Variants in ADAM12 observed in about 807,000 individuals in gnomAD.
ADAM12 encodes disintegrin and metalloproteinase domain-containing protein 12.
A neutral mutation model predicts 106.4 loss-of-function variants in ADAM12; 70 were observed. That is an observed-to-expected ratio of 0.66 (90% confidence interval 0.54 to 0.80). ADAM12 has a LOEUF of 0.80. Ranked by LOEUF, ADAM12 falls within the 30% of genes least tolerant of loss-of-function variation. The pLI is 0.00. For synonymous variants in ADAM12, 420 were observed against 433.5 expected (o/e 0.97, Z 0.39); for missense variants, 1,010 against 1,171.9 (o/e 0.86, Z 2.02).
intron 3 of ADAM12, among the ~76,000 whole-genome samples, chr10:126,244,796 C>T (rs563105224): frequency 6.6e-6 from 1 of 152,216 alleles, no homozygotes; most frequent in South Asian, 2.1e-4. Context: ...AAGGAAAATG[C>T]TACTTGAGTG....
At chr10:126,177,983 C>A (rs768615268) in intron 3 of ADAM12, among the ~76,000 whole-genome samples, 4 of 152,152 alleles carry the variant, frequency 2.6e-5, no homozygotes, top group South Asian at 2.1e-4. Flanking sequence ...AGTTTATTAA[C>A]CTCAATTCTG....
intron 2 of ADAM12, among the ~76,000 whole-genome samples, chr10:126,321,153 T>C (rs1854081411): frequency 6.6e-6 from 1 of 152,152 alleles, no homozygotes; most frequent in African/African-American, 2.4e-5. Context: ...TCTCTCCTAA[T>C]GTCAAGTAAC....
intron 9 of ADAM12, among the ~76,000 whole-genome samples, chr10:126,099,658 C>T (rs1955622916): frequency 6.6e-6 from 1 of 152,142 alleles, no homozygotes; most frequent in Admixed American, 6.5e-5. Context: ...AAATGTGAGG[C>T]AACCACAAAT....
chr10:126,172,921 G>A (rs1271548000), intron 3 of ADAM12, among the ~76,000 whole-genome samples: 1 of 152,204 alleles, frequency 6.6e-6, no homozygotes, highest in East Asian at 1.9e-4. Flanking sequence ...GGAATACTAT[G>A]CAGCCATAAA....
At chr10:126,263,800 C>T (rs1030231441) in intron 3 of ADAM12, among the ~76,000 whole-genome samples, 5 of 152,012 alleles carry the variant, frequency 3.3e-5, no homozygotes, top group Non-Finnish European at 7.4e-5. Context: ...AAGCAGCTGT[C>T]TTAAATAATT....
At chr10:126,109,683 A>T (rs1314521282) in intron 7 of ADAM12, 92 bp downstream of exon 7, 1 of 1,075,120 alleles carries the variant, frequency 9.3e-7, no homozygotes, top group East Asian at 2.4e-5. Flanking sequence ...ATAGGAAATG[A>T]GGTTCATTAA....
At chr10:126,342,252 A>C (rs569196302) in intron 1 of ADAM12, among the ~76,000 whole-genome samples, 1 of 152,326 alleles carries the variant, frequency 6.6e-6, no homozygotes, top group Admixed American at 6.5e-5. Flanking sequence ...AAGTGTGGCT[A>C]TCTAGAGGTA....
chr10:126,218,173 T>G (rs1248850432), intron 3 of ADAM12, among the ~76,000 whole-genome samples: 1 of 150,486 alleles, frequency 6.6e-6, no homozygotes, highest in Non-Finnish European at 1.5e-5. Context: ...AGTTGTTGAG[T>G]GTGTGTGTGG....
At chr10:126,376,594 G>A (rs1247155711) in intron 1 of ADAM12, among the ~76,000 whole-genome samples, 4 of 152,174 alleles carry the variant, frequency 2.6e-5, no homozygotes, top group South Asian at 2.1e-4. Flanking sequence ...ACATTGAAGA[G>A]AATATTATTG....
chr10:126,173,643 T>C (rs774304010), intron 3 of ADAM12, among the ~76,000 whole-genome samples: 3 of 152,158 alleles, frequency 2.0e-5, no homozygotes, highest in Non-Finnish European at 4.4e-5. Context: ...TTTTTAAGTT[T>C]CAGAGCGCAA....
chr10:126,248,167 G>A (rs1242336000), intron 3 of ADAM12, among the ~76,000 whole-genome samples: 1 of 152,134 alleles, frequency 6.6e-6, no homozygotes, highest in East Asian at 1.9e-4. Context: ...TACCCCCTAT[G>A]CATCACTGGG....
chr10:126,304,247 A>C (rs1960745365), intron 2 of ADAM12, among the ~76,000 whole-genome samples: 1 of 150,324 alleles, frequency 6.7e-6, no homozygotes, highest in Non-Finnish European at 1.5e-5. Context: ...AGAAAACTAG[A>C]ATACTGATTT....
chr10:126,132,628 G>A (rs1047775393), intron 5 of ADAM12, among the ~76,000 whole-genome samples: 1 of 151,318 alleles, frequency 6.6e-6, no homozygotes, highest in East Asian at 2.0e-4. Context: ...AGAGGTCACT[G>A]CATTTGTTTA....
chr10:126,258,087 T>G (rs1958928004), intron 3 of ADAM12, among the ~76,000 whole-genome samples: 2 of 152,192 alleles, frequency 1.3e-5, no homozygotes, highest in African/African-American at 4.8e-5. Flanking sequence ...ATATCAAGCA[T>G]AGAATAATAT....
intron 21 of ADAM12, among the ~76,000 whole-genome samples, chr10:126,024,156 C>T (rs963071107): frequency 6.6e-6 from 1 of 152,062 alleles, no homozygotes; most frequent in African/African-American, 2.4e-5. Context: ...ATACCACTTA[C>T]GTAAAGTTTA....
In ADAM12 at chr10:126,115,361, C is replaced by T. The variant is rs753534310; in HGVS notation, c.603+2677G>A. Among the ~76,000 whole-genome samples, 11 of 152,026 alleles carry T rather than the reference C, an allele frequency of 7.2e-5. 1 individual carries two copies. Among genetic ancestry groups the T allele is most frequent in the Non-Finnish European group, 1.6e-4 (11 of 68,044 alleles). On this transcript the variant is annotated intron_variant, in intron 6 of 22. Coordinates refer to ENST00000448723, the MANE Select transcript of ADAM12 (RefSeq NM_001288973.2). ...TAGTTTGCATTCTTGAATGAGTAGCCGATGGAGAGGGAAGGAGTCTGCTGT... is the reference window on the plus strand; with the variant it reads ...TAGTTTGCATTCTTGAATGAGTAGCTGATGGAGAGGGAAGGAGTCTGCTGT...
chr10:126,101,868 C>T (rs1955674701), intron 8 of ADAM12, among the ~76,000 whole-genome samples: 1 of 152,148 alleles, frequency 6.6e-6, no homozygotes, highest in Non-Finnish European at 1.5e-5. Flanking sequence ...TCCCCACAGC[C>T]AGAAGTTAGC....
chr10:126,039,820 C>G (rs940423280), intron 18 of ADAM12, among the ~76,000 whole-genome samples: 1 of 152,210 alleles, frequency 6.6e-6, no homozygotes, highest in African/African-American at 2.4e-5. Flanking sequence ...CAGTCCCCAG[C>G]ACAGATTTGC....
chr10:126,139,828 C>T (rs1419565197), intron 4 of ADAM12, among the ~76,000 whole-genome samples: 3 of 152,194 alleles, frequency 2.0e-5, no homozygotes, highest in African/African-American at 2.4e-5. Flanking sequence ...GGGCAAACCT[C>T]GCTGCCAGGT....
Sources: allele counts gnomAD v4.1 joint callset (sites outside exome capture counted in the v4.1 genomes callset), GRCh38; gene constraint gnomAD v4.1.1; transcripts MANE v1.5; gene names NCBI Gene and HGNC (gene_info 2026-07-23, HGNC 2026-07-21).